PRUNE2: variants seen among roughly 807,000 people sequenced by gnomAD.
The protein encoded by PRUNE2 is prune homolog 2 with BCH domain.
PRUNE2 carries 164 observed loss-of-function variants against 252.0 expected under a neutral mutation model. That is an observed-to-expected ratio of 0.65 (90% confidence interval 0.57 to 0.74). The LOEUF (loss-of-function observed/expected upper bound fraction) is 0.74, where lower values mean the gene tolerates loss of function less well. PRUNE2 is among the 30% of genes least tolerant of loss of function. The probability of loss-of-function intolerance (pLI) is 0.00; values close to 1 mark genes in which losing one functional copy is unlikely to be tolerated. For synonymous variants in PRUNE2, 1,292 were observed against 1,350.2 expected (o/e 0.96, Z 0.94); for missense variants, 3,495 against 3,711.0 (o/e 0.94, Z 1.51).
At chr9:76,858,121 A>G (rs2060356179) in intron 1 of PRUNE2, among the ~76,000 whole-genome samples, 1 of 152,246 alleles carries the variant, frequency 6.6e-6, no homozygotes, top group Non-Finnish European at 1.5e-5. Flanking sequence ...GTACAGTTTC[A>G]TCAATTTGAT....
chr9:76,804,873 T>C (rs2056822894), intron 6 of PRUNE2, among the ~76,000 whole-genome samples: 1 of 152,174 alleles, frequency 6.6e-6, no homozygotes, highest in Admixed American at 6.5e-5. Flanking sequence ...AGGCTTAAGG[T>C]GGTAACTTCC....
Position 76,831,130 on chromosome 9 carries a change from C to T in PRUNE2, c.509-4398G>A, listed in dbSNP as rs569704738. Among the ~76,000 whole-genome samples the T allele has an allele frequency of 2.4e-3, 370 of 152,102 alleles. 3 individuals are homozygous for T. The highest frequency in any genetic ancestry group is 4.0e-3 in the Non-Finnish European group (272 of 67,966). ...ATTTTTAGTAGAGATGGGGTTTCAC[C>T]ATGTTAGCCAGCATGGTCTCGATCT... is the stretch of plus-strand genomic sequence containing the variant. On this transcript the variant is annotated intron_variant, in intron 4 of 18. Transcript: ENST00000376718.
chr9:76,635,532 G>A (rs1327957705), intron 15 of PRUNE2, among the ~76,000 whole-genome samples: 1 of 151,838 alleles, frequency 6.6e-6, no homozygotes, highest in Admixed American at 6.6e-5. Flanking sequence ...TTGATTTTCA[G>A]GTATATTTTT....
In PRUNE2 at chr9:76,652,571, A is replaced by C. The variant is rs1273792008; in HGVS notation, c.8469T>G (p.Asp2823Glu). 1 of 1,613,238 alleles carries C rather than the reference A, an allele frequency of 6.2e-7. No homozygotes were observed. The highest frequency in any genetic ancestry group is 1.7e-5 in the Admixed American group (1 of 60,004). The stretch of plus-strand genomic sequence containing the variant: ...CAATTTCATCTGGACTGTCCAAGTT[A>C]TCATCAGAGAGAATAGATCCTTCAC... ...DQSEGSILSDDNLDSPDEIDI... is the reference protein window; with the variant it reads ...DQSEGSILSDENLDSPDEIDI... Residue 2823 changes from aspartate to glutamate, a missense_variant, in exon 11 of 19, where the codon GAT becomes GAG. By Grantham distance (45) the Asp-to-Glu change is conservative. Coordinates refer to ENST00000376718, the MANE Select transcript of PRUNE2 (RefSeq NM_015225.3).
intron 4 of PRUNE2, among the ~76,000 whole-genome samples, chr9:76,829,016 C>CAAAAAA (rs1185924670): frequency 3.1e-5 from 3 of 95,498 alleles, no homozygotes; most frequent in East Asian, 3.2e-4. Flanking sequence ...CACTCTGTCT[C>CAAAAAA]AAAAAAAAAA....
At chr9:76,842,026 G>C (rs141545514) in intron 4 of PRUNE2, among the ~76,000 whole-genome samples, 1 of 152,092 alleles carries the variant, frequency 6.6e-6, no homozygotes, top group African/African-American at 2.4e-5. Flanking sequence ...AAAAGAACCC[G>C]TATAGCCAAG....
chr9:76,753,507 G>A (rs1275012524), intron 6 of PRUNE2, among the ~76,000 whole-genome samples: 2 of 152,130 alleles, frequency 1.3e-5, no homozygotes, highest in Non-Finnish European at 1.5e-5. Context: ...CAGATGACCT[G>A]TGGGTTCTCC....
chr9:76,758,252 G>T (rs1025798755), intron 6 of PRUNE2, among the ~76,000 whole-genome samples: 1 of 152,150 alleles, frequency 6.6e-6, no homozygotes, highest in African/African-American at 2.4e-5. Context: ...CAACTGTGTA[G>T]AACTTAAATA....
chr9:76,855,392 C>A (rs1167653056), intron 1 of PRUNE2, among the ~76,000 whole-genome samples: 3 of 151,442 alleles, frequency 2.0e-5, no homozygotes, highest in Non-Finnish European at 2.9e-5. Context: ...AATACTGTTC[C>A]AAAGGCTATA....
chr9:76,781,918 G>A (rs2054448031), intron 6 of PRUNE2, among the ~76,000 whole-genome samples: 1 of 152,116 alleles, frequency 6.6e-6, no homozygotes, highest in South Asian at 2.1e-4. Context: ...GACATAGAAA[G>A]CATTGGGAAA....
At chr9:76,894,716 G>GAAAAAAAAAAAAAAAAAAAAAAAA (rs1170899729) in intron 1 of PRUNE2, among the ~76,000 whole-genome samples, 1 of 110,708 alleles carries the variant, frequency 9.0e-6, no homozygotes. Flanking sequence ...ATTTTCTGCA[G>GAAAAAAAAAAAAAAAAAAAAAAAA]CAAAAAAAAA....
chr9:76,830,770 G>A (rs1371879370), intron 4 of PRUNE2, among the ~76,000 whole-genome samples: 1 of 151,038 alleles, frequency 6.6e-6, no homozygotes, highest in Non-Finnish European at 1.5e-5. Flanking sequence ...AAATTATGGA[G>A]AGAAAAAATA....
At chr9:76,870,896 A>G (rs1243355371) in intron 1 of PRUNE2, among the ~76,000 whole-genome samples, 2 of 152,056 alleles carry the variant, frequency 1.3e-5, no homozygotes, top group African/African-American at 2.4e-5. Context: ...GTACCTCACC[A>G]TTGCACAACT....
intron 11 of PRUNE2, chr9:76,645,125 C>A: frequency 2.2e-6 from 1 of 464,816 alleles, no homozygotes; most frequent in Admixed American, 3.9e-5. Context: ...ATGAAGTCTT[C>A]TTTTATTAAC....
At chr9:76,615,322 T>A in intron 18 of PRUNE2, 1 of 791,296 alleles carries the variant, frequency 1.3e-6, no homozygotes, top group Non-Finnish European at 1.5e-6. Flanking sequence ...AAACTATTAG[T>A]TTGCAAAGGG....
At chr9:76,693,300 T>G (rs1264880227) in intron 9 of PRUNE2, among the ~76,000 whole-genome samples, 1 of 146,994 alleles carries the variant, frequency 6.8e-6, no homozygotes, top group African/African-American at 2.5e-5. Context: ...GGGGGGCAGG[T>G]GAGGAGGGGA....
intron 6 of PRUNE2, among the ~76,000 whole-genome samples, chr9:76,769,700 C>G (rs2052879060): frequency 6.6e-6 from 1 of 152,210 alleles, no homozygotes; most frequent in African/African-American, 2.4e-5. Context: ...GCTGAGATTA[C>G]AGGCGTGAAA....
At chr9:76,636,973 ATG>A (rs71354667) in intron 14 of PRUNE2, among the ~76,000 whole-genome samples, 121 of 145,492 alleles carry the variant, frequency 8.3e-4, no homozygotes, top group South Asian at 6.1e-3. Context: ...AACAACAAAA[ATG>A]TGTGTGTGTG....
chr9:76,869,935 T>G (rs1024943476), intron 1 of PRUNE2, among the ~76,000 whole-genome samples: 5 of 152,262 alleles, frequency 3.3e-5, no homozygotes, highest in African/African-American at 1.2e-4. Context: ...AATTTTATTT[T>G]TGTAATTTTA....
Sources: allele counts gnomAD v4.1 joint callset (sites outside exome capture counted in the v4.1 genomes callset), GRCh38; gene constraint gnomAD v4.1.1; transcripts MANE v1.5; gene names NCBI Gene and HGNC (gene_info 2026-07-23, HGNC 2026-07-21).